The following RB1CC1 variants were observed in gnomAD, a reference collection of about 807,000 sequenced individuals.
RB1CC1 encodes the protein RB1 inducible coiled-coil 1, also known as RB1-inducible coiled-coil protein 1.
Under a neutral mutation model 177.5 loss-of-function variants are expected in RB1CC1, and 46 were observed. The ratio of observed to expected loss-of-function variants is 0.26; its 90% CI spans 0.20 to 0.33. The LOEUF is 0.33. Ranked by LOEUF, RB1CC1 falls within the 10% of genes least tolerant of loss-of-function variation. The pLI is 1.00. For missense variants in RB1CC1, 1,703 were observed against 1,816.3 expected (o/e 0.94, Z 1.13); for synonymous variants, 666 against 613.6 (o/e 1.09, Z -1.26).
At chr8:52,703,210 G>A (rs1346370673) in intron 1 of RB1CC1, among the ~76,000 whole-genome samples, 9 of 151,896 alleles carry the variant, frequency 5.9e-5, no homozygotes, top group Non-Finnish European at 1.2e-4. Flanking sequence ...TACTAAGTAT[G>A]TGTATCCTCT....
intron 20 of RB1CC1, among the ~76,000 whole-genome samples, 165 bp downstream of exon 20, chr8:52,634,756 A>G (rs954754051): frequency 2.0e-5 from 3 of 152,218 alleles, no homozygotes; most frequent in African/African-American, 4.8e-5. Context: ...GCCTGACTTC[A>G]GCATTCTGAA....
intron 9 of RB1CC1, 93 bp downstream of exon 9, chr8:52,661,442 A>G: frequency 6.8e-7 from 1 of 1,462,778 alleles, no homozygotes; most frequent in Non-Finnish European, 9.2e-7. Flanking sequence ...TATTTCAATA[A>G]AATGGTAGGG....
chr8:52,674,238 T>C lies in RB1CC1; in HGVS notation c.609A>G (p.Pro203=), dbSNP rs779674732. Reference sequence around the variant, plus strand: ...TATGTCTGGTTAGGCACTCCAACAGTGGAATCTTGGCCATTACTGAAACTG... The same window carrying C: ...TATGTCTGGTTAGGCACTCCAACAGCGGAATCTTGGCCATTACTGAAACTG... ...GTAVSVMAKI[P]LLECLTRHSY... The change falls in exon 7 of 24, where the codon CCA becomes CCG. Residue 203 remains proline (P), a synonymous_variant. Transcript: ENST00000025008. The C allele has an allele frequency of 1.2e-6, 2 of 1,611,636 alleles. No homozygotes were observed. The highest frequency in any genetic ancestry group is 3.3e-5 in the Admixed American group (2 of 60,020).
chr8:52,679,388 A>G (rs1486517135), intron 5 of RB1CC1, among the ~76,000 whole-genome samples: 1 of 152,206 alleles, frequency 6.6e-6, no homozygotes, highest in Non-Finnish European at 1.5e-5. Context: ...ACCTGAAACA[A>G]AGGCCTATCT....
intron 1 of RB1CC1, among the ~76,000 whole-genome samples, chr8:52,698,054 G>A (rs148244268): frequency 5.9e-5 from 9 of 152,038 alleles, no homozygotes; most frequent in South Asian, 2.1e-4. Flanking sequence ...AAAATGTTAC[G>A]GATAAAAATT....
At chr8:52,697,153 T>G (rs1204763248) in intron 1 of RB1CC1, among the ~76,000 whole-genome samples, 1 of 152,144 alleles carries the variant, frequency 6.6e-6, no homozygotes, top group Non-Finnish European at 1.5e-5. Flanking sequence ...CTGAATTTAA[T>G]CAAGCAACTA....
At position 52,642,483 on chromosome 8, in the gene RB1CC1, T is replaced by C. The variant is rs762768819; in HGVS notation, c.4205A>G (p.Tyr1402Cys). 5.6e-6 allele frequency: 9 copies of C among 1,614,074 alleles called. No individual in the cohort carries two copies. Among genetic ancestry groups the C allele is most frequent in the Admixed American group, 1.7e-5 (1 of 60,004 alleles). The change falls in exon 18 of 24, where the codon TAT becomes TGT. Residue 1402 changes from tyrosine to cysteine, a missense_variant. Tyr to Cys is a radical substitution (Grantham distance 194). Coordinates refer to ENST00000025008, the MANE Select transcript of RB1CC1 (RefSeq NM_014781.5). ...ATAAAGTTCTGGGGCTGTAGCTACA[T>C]ATGGTGAAGGAACAAAACTGCTACT... ...LRSSSFVPSP[Y>C]VATAPELYGA...
chr8:52,650,151 A>G (rs1850437829), intron 15 of RB1CC1, among the ~76,000 whole-genome samples: 2 of 152,236 alleles, frequency 1.3e-5, no homozygotes, highest in Admixed American at 1.3e-4. Context: ...AAGTGGTGAA[A>G]GGGAAATATG....
intron 18 of RB1CC1, among the ~76,000 whole-genome samples, chr8:52,638,420 TTTC>T (rs1454170141): frequency 6.6e-6 from 1 of 152,190 alleles, no homozygotes; most frequent in Admixed American, 6.5e-5. Flanking sequence ...GAAGATGTAT[TTTC>T]TTCTTTTGAT....
chr8:52,664,563 A>C (rs1851903955), intron 8 of RB1CC1, among the ~76,000 whole-genome samples: 1 of 152,186 alleles, frequency 6.6e-6, no homozygotes, highest in Non-Finnish European at 1.5e-5. Context: ...ATTAGGGGGA[A>C]TGAAGATGTT....
intron 13 of RB1CC1, among the ~76,000 whole-genome samples, chr8:52,658,560 G>A (rs1229157582): frequency 8.0e-6 from 1 of 125,116 alleles, no homozygotes; most frequent in East Asian, 2.3e-4. Flanking sequence ...CTGGGCGAGA[G>A]AGCGAGACTC....
chr8:52,704,893 A>G (rs1410132881), intron 1 of RB1CC1, among the ~76,000 whole-genome samples: 5 of 152,338 alleles, frequency 3.3e-5, no homozygotes, highest in South Asian at 2.1e-4. Context: ...CATTTTATAT[A>G]AAGTCCTTCT....
At chr8:52,697,661 A>T (rs1027591525) in intron 1 of RB1CC1, among the ~76,000 whole-genome samples, 16 of 152,218 alleles carry the variant, frequency 1.1e-4, no homozygotes, top group Non-Finnish European at 1.2e-4. Flanking sequence ...AGATTGGCAA[A>T]ATGTTGGTAC....
intron 15 of RB1CC1, among the ~76,000 whole-genome samples, chr8:52,647,386 ATAAT>A (rs927777915): frequency 6.6e-5 from 10 of 152,190 alleles, no homozygotes; most frequent in Admixed American, 6.5e-5. Flanking sequence ...ATTCCATAAT[ATAAT>A]TAATTAAGGC....
intron 11 of RB1CC1, 127 bp downstream of exon 11, chr8:52,660,799 A>G: frequency 9.2e-7 from 1 of 1,092,672 alleles, no homozygotes; most frequent in Non-Finnish European, 1.3e-6. Context: ...TATACACTTT[A>G]AAAGGAATAT....
chr8:52,640,173 TCTGA>T (rs1268076605), intron 18 of RB1CC1, among the ~76,000 whole-genome samples: 1 of 152,174 alleles, frequency 6.6e-6, no homozygotes, highest in Admixed American at 6.6e-5. Flanking sequence ...CTACATATGA[TCTGA>T]CTAATATGCA....
chr8:52,707,651 T>C (rs1191173835), intron 1 of RB1CC1, among the ~76,000 whole-genome samples: 13 of 152,150 alleles, frequency 8.5e-5, no homozygotes, highest in Admixed American at 8.5e-4. Context: ...ACAACCAAGG[T>C]AGTCAGGCTG....
At chr8:52,636,157 A>C in intron 18 of RB1CC1, 88 bp from the exon 19 acceptor site, 1 of 1,375,482 alleles carries the variant, frequency 7.3e-7, no homozygotes. Flanking sequence ...AATACAGATC[A>C]CTTTAACAAT....
chr8:52,654,490 T>C (rs972771459), intron 15 of RB1CC1, among the ~76,000 whole-genome samples: 6 of 152,098 alleles, frequency 3.9e-5, no homozygotes, highest in African/African-American at 9.7e-5. Flanking sequence ...GTGATGCAGA[T>C]TGAGTCAGAC....
Sources: gnomAD v4.1 joint callset for allele counts (sites outside exome capture counted in the v4.1 genomes callset) on GRCh38, gnomAD v4.1.1 for gene constraint, MANE v1.5 for transcripts, NCBI Gene and HGNC (gene_info 2026-07-23, HGNC 2026-07-21) for gene names.